TPCN2: variants seen among roughly 807,000 people sequenced by gnomAD.
TPCN2 encodes two pore channel protein 2.
Under a neutral mutation model 111.4 loss-of-function variants are expected in TPCN2, and 92 were observed. The observed-to-expected ratio is 0.83, with a 90% CI of 0.70 to 0.98. The LOEUF (loss-of-function observed/expected upper bound fraction) is 0.98, where lower values mean the gene tolerates loss of function less well. Among genes scored for constraint, TPCN2 ranks in the 50% least tolerant of loss-of-function variants. TPCN2 has a pLI of 0.00. For missense variants in TPCN2, 995 were observed against 980.1 expected, an observed-to-expected ratio of 1.02 and a Z score of -0.20; for synonymous variants, 405 against 414.5, an observed-to-expected ratio of 0.98 and a Z score of 0.28.
In TPCN2 at chr11:69,087,153, C is replaced by T. The variant is rs267603154; in HGVS notation, c.2127C>T (p.Pro709=). The T allele has an allele frequency of 3.0e-5, 49 of 1,613,800 alleles. No homozygotes were observed. The highest frequency in any genetic ancestry group is 1.6e-4 in the Middle Eastern group (1 of 6,080). The change falls in exon 24 of 25, where the codon CCC becomes CCT. Residue 709 remains proline, a synonymous_variant. Coordinates refer to ENST00000294309, the MANE Select transcript of TPCN2 (RefSeq NM_139075.4). The part of the protein sequence containing the change: ...HKWDPRSHLQ[P]LAGTPEATYQ... ...GGGACCCCCGCAGCCACCTGCAGCC[C>T]CTTGCTGGGACCCCAGAGGCCACCT...
chr11:69,088,160 C>A lies in TPCN2; in HGVS notation c.*207C>A. 1.8e-6 allele frequency: 1 copy of A among 550,238 alleles called. No homozygotes were observed. The highest frequency in any genetic ancestry group is 3.2e-6 in the Non-Finnish European group (1 of 308,894). 34.1% of individuals were successfully genotyped at this position (550,238 alleles called of 1,614,324 possible). On this transcript the variant is annotated 3_prime_UTR_variant, in exon 25 of 25. Coordinates refer to ENST00000294309, the MANE Select transcript of TPCN2 (RefSeq NM_139075.4). ...AACAGCTGCTGGTGCTTCAGGGAGG[C>A]GCCGTGCCCTCCGCTTTCTTTTATA...
At chr11:69,072,876 C>T in intron 12 of TPCN2, 39 bp from the exon 13 acceptor site, 4 of 1,561,796 alleles carry the variant, frequency 2.6e-6, no homozygotes, top group Non-Finnish European at 2.6e-6. Flanking sequence ...CGCTCACCTT[C>T]CCGTGCGCCC....
Position 69,081,852 on chromosome 11 carries a change from C to T in TPCN2, c.1689+353C>T, listed in dbSNP as rs186501884. 2.0e-4 allele frequency among the ~76,000 whole-genome samples: 30 copies of T among 152,238 alleles called. No individual in the cohort carries two copies. The East Asian group carries it at 5.4e-3, about 27-fold the overall frequency. On this transcript the variant is annotated intron_variant, in intron 18 of 24. Transcript: ENST00000294309. ...GGCCTTTGCCATGGCTCCCAGGGTG[C>T]TATTAATGAGGGGCAGTGGTATCCC...
intron 7 of TPCN2, among the ~76,000 whole-genome samples, chr11:69,066,838 G>C (rs1176406625): frequency 1.3e-5 from 2 of 152,172 alleles, no homozygotes; most frequent in Non-Finnish European, 2.9e-5. Context: ...CATGAGCCTG[G>C]CCCCAGTGAG....
intron 6 of TPCN2, 80 bp from the exon 7 acceptor site, chr11:69,063,815 G>A: frequency 7.1e-7 from 1 of 1,408,752 alleles, no homozygotes; most frequent in South Asian, 1.2e-5. Context: ...GGGCGCTCCT[G>A]TCACCGAGCC....
At position 69,087,138 on chromosome 11, in the gene TPCN2, C is replaced by T; in HGVS notation, c.2112C>T (p.Arg704=). 5 of 1,613,900 alleles carry T rather than the reference C, an allele frequency of 3.1e-6. No homozygotes were observed. The highest frequency in any genetic ancestry group is 3.4e-6 in the Non-Finnish European group (4 of 1,179,864). The change falls in exon 24 of 25, where the codon CGC becomes CGT. Residue 704 remains arginine (R), a synonymous_variant. Transcript: ENST00000294309. ...LENFLHKWDP[R]SHLQPLAGTP... is the part of the protein sequence containing the mutation. ...ACTTCCTTCACAAGTGGGACCCCCG[C>T]AGCCACCTGCAGCCCCTTGCTGGGA...
At chr11:69,049,347 C>A (rs1861108642) in intron 1 of TPCN2, among the ~76,000 whole-genome samples, 1 of 152,184 alleles carries the variant, frequency 6.6e-6, no homozygotes, top group African/African-American at 2.4e-5. Flanking sequence ...GCGTCCTGAT[C>A]CCGACCAGCT....
At chr11:69,065,720 G>A (rs1188558678) in intron 7 of TPCN2, among the ~76,000 whole-genome samples, 6 of 152,214 alleles carry the variant, frequency 3.9e-5, no homozygotes, top group South Asian at 2.1e-4. Flanking sequence ...GGCTTTGCTC[G>A]TTGTGAAGCT....
At chr11:69,079,743 T>A (rs1190270513) in intron 16 of TPCN2, 91 bp from the exon 17 acceptor site, 2 of 1,196,016 alleles carry the variant, frequency 1.7e-6, no homozygotes, top group African/African-American at 3.1e-5. Flanking sequence ...TTGGGGAGAA[T>A]GTGTTAGAGA....
chr11:69,059,938 G>A (rs912781950), intron 5 of TPCN2, among the ~76,000 whole-genome samples: 17 of 152,236 alleles, frequency 1.1e-4, no homozygotes, highest in African/African-American at 4.1e-4. Flanking sequence ...CTTTGTGTGT[G>A]GTGGAGGGAG....
chr11:69,073,149 T>C (rs3750966), intron 13 of TPCN2, 148 bp downstream of exon 13: 1 of 604,008 alleles, frequency 1.7e-6, no homozygotes, highest in Non-Finnish European at 3.0e-6. Context: ...GGGAATGGAG[T>C]TCTCTTTGGC....
chr11:69,078,661 G>C lies in TPCN2; in HGVS notation c.1350+60G>C, dbSNP rs537654812. On this transcript the variant is annotated intron_variant, in intron 14 of 24. Transcript: ENST00000294309. ...GTGCCGGTTCCCGCCCACCTTGCAGGGGAGCCTGCCCCTCCTGCCTCGCCC... is the reference window on the plus strand; with the variant it reads ...GTGCCGGTTCCCGCCCACCTTGCAGCGGAGCCTGCCCCTCCTGCCTCGCCC... 3.2e-5 allele frequency: 51 copies of C among 1,613,284 alleles called. No homozygotes were observed. In the African/African-American group the frequency reaches 6.1e-4, roughly 19 times the overall value.
chr11:69,075,743 C>A (rs186563144), intron 13 of TPCN2, among the ~76,000 whole-genome samples: 2 of 152,116 alleles, frequency 1.3e-5, no homozygotes, highest in Non-Finnish European at 2.9e-5. Flanking sequence ...GCCAGGGAGT[C>A]GGTTGGTGCT....
chr11:69,052,949 G>A (rs1284150100), intron 1 of TPCN2, among the ~76,000 whole-genome samples: 4 of 152,214 alleles, frequency 2.6e-5, no homozygotes, highest in African/African-American at 7.2e-5. Context: ...CAGTTGCTTC[G>A]GGTTGAGTTT....
rs1468637354 is a variant in TPCN2 at position 69,072,017 on chromosome 11, C to T, written c.1055C>T (p.Pro352Leu). ...SSMVGEGGAFPQAVGVKPQNL... is the reference protein window; with the variant it reads ...SSMVGEGGAFLQAVGVKPQNL... The stretch of plus-strand genomic sequence containing the variant: ...ATGGTGGGGGAGGGAGGAGCCTTCC[C>T]TCAGGCGTGAGTGCTGGGCATGGAC... Residue 352 changes from proline (P) to leucine (L), a missense_variant, in exon 11 of 25, where the codon CCT (proline) becomes CTT (leucine). By Grantham distance (98) the Pro-to-Leu change is moderately conservative. Coordinates refer to ENST00000294309, the MANE Select transcript of TPCN2 (RefSeq NM_139075.4). The T allele has an allele frequency of 8.1e-6, 13 of 1,613,078 alleles. No individual in the cohort carries two copies. In the Admixed American group the frequency reaches 8.3e-5, roughly 10 times the overall value.
Position 69,072,670 on chromosome 11 carries a change from G to T in TPCN2, c.1105G>T (p.Val369Phe). The change falls in exon 12 of 25, where the codon GTC (valine) becomes TTC (phenylalanine). Residue 369 changes from valine (V) to phenylalanine (F), a missense_variant. Transcript: ENST00000294309. ...GAACTTGCTGCAGGTGCTTCAGAAG[G>T]TCCAGCTGGACAGCTCCCACAAACA... ...PQNLLQVLQK[V>F]QLDSSHKQAM... The T allele has an allele frequency of 6.2e-7, 1 of 1,613,860 alleles. No homozygotes were observed. Among genetic ancestry groups the T allele is most frequent in the Non-Finnish European group, 8.5e-7 (1 of 1,180,002 alleles).
rs537967347 is a variant in TPCN2 at position 69,054,065 on chromosome 11, C to T, written c.142C>T (p.Gln48Ter). The T allele has an allele frequency of 4.3e-6, 7 of 1,613,870 alleles. No homozygotes were observed. The African/African-American group carries it at 8.0e-5, about 18-fold the overall frequency. Residue 48 changes from glutamine (Q) to a stop codon, truncating the protein, a stop_gained, in exon 2 of 25, where the codon CAG becomes TAG. Coordinates refer to ENST00000294309, the MANE Select transcript of TPCN2 (RefSeq NM_139075.4). LOFTEE classifies it high-confidence loss of function. ...GGCCAGGTGGGACCTCTGCATTGAT[C>T]AGGCTGTGGTCTTCATCGAAGATGC... The part of the protein sequence containing the change: ...AAARWDLCID[Q>*]AVVFIEDAIQ...
intron 5 of TPCN2, among the ~76,000 whole-genome samples, chr11:69,060,119 T>C (rs1358477613): frequency 6.6e-6 from 1 of 152,180 alleles, no homozygotes; most frequent in African/African-American, 2.4e-5. Context: ...GTCCACATAC[T>C]TCCTCCCAGA....
rs530035762 is a variant in TPCN2, at chr11:69,068,021, G to A, written c.829+416G>A. On this transcript the variant is annotated intron_variant, in intron 8 of 24. Transcript: ENST00000294309. ...AGCTCCACACATCCACGCTGCGGTTGCTGCCGAGGTTCAGCTGTGGGAGCC... is the reference window on the plus strand; with the variant it reads ...AGCTCCACACATCCACGCTGCGGTTACTGCCGAGGTTCAGCTGTGGGAGCC... Among the ~76,000 whole-genome samples, 7 of 152,288 alleles carry A rather than the reference G, an allele frequency of 4.6e-5. No homozygotes were observed. The South Asian group carries it at 1.5e-3, about 32-fold the overall frequency.
Sources: gnomAD v4.1 joint callset for allele counts (sites outside exome capture counted in the v4.1 genomes callset) on GRCh38, gnomAD v4.1.1 for gene constraint, MANE v1.5 for transcripts, NCBI Gene and HGNC (gene_info 2026-07-23, HGNC 2026-07-21) for gene names.